Variants in PVT1 observed in about 807,000 individuals in gnomAD.
PVT1 encodes CXCR4/PVT1 fusion.
intron 2 of PVT1, among the ~76,000 whole-genome samples, chr8:127,873,690 G>T (rs1815376138): frequency 6.6e-6 from 1 of 152,190 alleles, no homozygotes; most frequent in South Asian, 2.1e-4. Flanking sequence ...ATGCAATGGA[G>T]GCAGGGTGCA....
At position 128,006,059 on chromosome 8, in the gene PVT1, C is replaced by T. The variant is rs181761156; in HGVS notation, n.912+16768C>T. On this transcript the variant is annotated intron_variant and non_coding_transcript_variant, in intron 4 of 10. Coordinates refer to ENST00000651587, the Ensembl canonical transcript of PVT1. ...CAGAGGTTGCAGTGAGCTGAGATTGCGCCACTGCACTCCAGCCTCAGTGAC... is the reference window on the plus strand; with the variant it reads ...CAGAGGTTGCAGTGAGCTGAGATTGTGCCACTGCACTCCAGCCTCAGTGAC... Among the ~76,000 whole-genome samples the T allele has an allele frequency of 8.6e-5, 13 of 150,588 alleles. No homozygotes were observed. The East Asian group carries it at 1.8e-3, about 20-fold the overall frequency.
intron 2 of PVT1, among the ~76,000 whole-genome samples, chr8:127,889,035 T>TCCTCCTTC (rs1554594526): frequency 1.0e-5 from 1 of 100,494 alleles, no homozygotes; most frequent in Non-Finnish European, 2.1e-5. Flanking sequence ...TTTCTCTCTT[T>TCCTCCTTC]CTTTCTTCCT....
intron 2 of PVT1, among the ~76,000 whole-genome samples, chr8:127,820,703 T>G (rs1012210624): frequency 1.4e-5 from 2 of 144,796 alleles, no homozygotes; most frequent in South Asian, 4.4e-4. Context: ...TTAGGTTTTG[T>G]TTTTTTTTTT....
In PVT1 at chr8:128,028,781, C is replaced by T. The variant is rs574533799; in HGVS notation, n.912+39490C>T. On this transcript the variant is annotated intron_variant and non_coding_transcript_variant, in intron 4 of 10. Transcript: ENST00000651587. ...CATCATTCTAGTAGCTGAGGAGCAT[C>T]GGAGCCTAAAAGACTCGTGTGAAAG... 5.3e-5 allele frequency among the ~76,000 whole-genome samples: 8 copies of T among 152,276 alleles called. No homozygotes were observed. The South Asian group carries it at 1.2e-3, about 24-fold the overall frequency.
At chr8:127,887,617 C>G (rs1815540434) in intron 2 of PVT1, among the ~76,000 whole-genome samples, 1 of 152,160 alleles carries the variant, frequency 6.6e-6, no homozygotes, top group South Asian at 2.1e-4. Flanking sequence ...CCTCCACCTC[C>G]CGAGTTCAAG....
At chr8:127,944,708 G>A (rs966215511) in intron 3 of PVT1, among the ~76,000 whole-genome samples, 4 of 152,178 alleles carry the variant, frequency 2.6e-5, no homozygotes, top group Admixed American at 2.6e-4. Flanking sequence ...AAGAAGCGTG[G>A]CCATATGGCT....
At chr8:127,960,026 C>T (rs914291069) in intron 3 of PVT1, among the ~76,000 whole-genome samples, 5 of 152,128 alleles carry the variant, frequency 3.3e-5, no homozygotes, top group East Asian at 1.9e-4. Flanking sequence ...GTCTCCTGTA[C>T]GTCGTAGTTT....
At chr8:127,832,714 C>T (rs747268908) in intron 2 of PVT1, among the ~76,000 whole-genome samples, 104 of 152,102 alleles carry the variant, frequency 6.8e-4, no homozygotes, top group Non-Finnish European at 1.1e-3. Context: ...AAAAATTAGC[C>T]GGGCGTGGTG....
chr8:127,966,472 T>C (rs758631625), intron 3 of PVT1, among the ~76,000 whole-genome samples: 1 of 152,164 alleles, frequency 6.6e-6, no homozygotes, highest in Non-Finnish European at 1.5e-5. Flanking sequence ...ACTATACCTC[T>C]AGGAAGCTAA....
chr8:128,093,678 C>T (rs1273245490), intron 5 of PVT1, among the ~76,000 whole-genome samples: 2 of 151,986 alleles, frequency 1.3e-5, no homozygotes, highest in Non-Finnish European at 2.9e-5. Flanking sequence ...AGCTCTGTCA[C>T]CCAGGCTGGA....
In PVT1 at chr8:127,815,456, G is replaced by A. The variant is rs186386554; in HGVS notation, n.372+19385G>A. On this transcript the variant is annotated intron_variant and non_coding_transcript_variant, in intron 2 of 10. Coordinates refer to ENST00000651587, the Ensembl canonical transcript of PVT1. ...ATTCAACCAGAAGTGGCAGAGCCTGGATCTTGACCACATGGCTTTGCTGCT... is the reference window on the plus strand; with the variant it reads ...ATTCAACCAGAAGTGGCAGAGCCTGAATCTTGACCACATGGCTTTGCTGCT... Among the ~76,000 whole-genome samples, 474 of 152,336 alleles carry A rather than the reference G, an allele frequency of 3.1e-3. 4 individuals carry two copies. Among genetic ancestry groups the A allele is most frequent in the Non-Finnish European group, 4.7e-3 (321 of 68,020 alleles).
intron 3 of PVT1, among the ~76,000 whole-genome samples, chr8:127,894,626 A>G (rs1160736115): frequency 6.6e-6 from 1 of 152,258 alleles, no homozygotes; most frequent in Non-Finnish European, 1.5e-5. Context: ...CTCAAATTAG[A>G]AAAAGGCAAC....
rs1393810677 is a variant in PVT1, at chr8:127,966,473, A to G, written n.783-22689A>G. 3.3e-5 allele frequency among the ~76,000 whole-genome samples: 5 copies of G among 152,302 alleles called. No individual in the cohort carries two copies. The East Asian group carries it at 9.6e-4, about 29-fold the overall frequency. On this transcript the variant is annotated intron_variant and non_coding_transcript_variant, in intron 3 of 10. Coordinates refer to ENST00000651587, the Ensembl canonical transcript of PVT1. The stretch of plus-strand genomic sequence containing the variant: ...TGGAATTGTTTTCCACTATACCTCT[A>G]GGAAGCTAAACTGGGACATAACTGG...
At chr8:127,874,241 G>A (rs1815381200) in intron 2 of PVT1, among the ~76,000 whole-genome samples, 1 of 152,186 alleles carries the variant, frequency 6.6e-6, no homozygotes, top group Admixed American at 6.5e-5. Flanking sequence ...TGGGAGCACT[G>A]GAGAAGGGGC....
rs567760964 is a variant in PVT1, at chr8:128,053,403, TA to T, written n.913-16756del. ...CACACACACACATATATATGTATTT[TA>T]TATATATTGTATATATAATACCTAT... On this transcript the variant is annotated intron_variant and non_coding_transcript_variant, in intron 4 of 10. Transcript: ENST00000651587. Among the ~76,000 whole-genome samples the T allele has an allele frequency of 2.1e-4, 32 of 149,764 alleles. No homozygotes were observed. The South Asian group carries it at 6.5e-3, about 30-fold the overall frequency.
intron 2 of PVT1, among the ~76,000 whole-genome samples, chr8:127,890,240 A>G (rs1333128343): frequency 6.6e-6 from 1 of 152,184 alleles, no homozygotes; most frequent in Admixed American, 6.5e-5. Flanking sequence ...AGCCCAGGCT[A>G]TGTGCCAGGC....
chr8:127,838,569 C>T (rs1814934134), intron 2 of PVT1, among the ~76,000 whole-genome samples: 1 of 152,084 alleles, frequency 6.6e-6, no homozygotes, highest in Admixed American at 6.5e-5. Flanking sequence ...GCTGGGTGTG[C>T]TGGCAGGCAC....
chr8:127,986,047 C>T lies in PVT1; in HGVS notation n.783-3115C>T, dbSNP rs77779980. Among the ~76,000 whole-genome samples the T allele has an allele frequency of 5.6e-4, 85 of 152,310 alleles. 2 individuals are homozygous for T. The East Asian group carries it at 0.016, about 29-fold the overall frequency. On this transcript the variant is annotated intron_variant and non_coding_transcript_variant, in intron 3 of 10. Transcript: ENST00000651587. Reference sequence around the variant, plus strand: ...AGTCAATGTGTGTTATACCCTGGGTCTCTCCATCTTTCCAACAGAGACCTG... The same window carrying T: ...AGTCAATGTGTGTTATACCCTGGGTTTCTCCATCTTTCCAACAGAGACCTG...
At chr8:128,034,969 C>A (rs1813443860) in intron 4 of PVT1, among the ~76,000 whole-genome samples, 1 of 152,182 alleles carries the variant, frequency 6.6e-6, no homozygotes, top group Non-Finnish European at 1.5e-5. Flanking sequence ...ATGATGTTTG[C>A]AAAGTCCTGG....
Sources: allele counts gnomAD v4.1 joint callset (sites outside exome capture counted in the v4.1 genomes callset), GRCh38; gene constraint gnomAD v4.1.1; transcripts MANE v1.5; gene names NCBI Gene and HGNC (gene_info 2026-07-23, HGNC 2026-07-21).